NCOA1: variants seen among roughly 807,000 people sequenced by gnomAD.
NCOA1 encodes the protein nuclear receptor coactivator 1.
A neutral mutation model predicts 150.9 loss-of-function variants in NCOA1; 35 were observed. The observed-to-expected ratio is 0.23, with a 90% CI of 0.18 to 0.31. NCOA1 has a LOEUF of 0.31. NCOA1 is among the 10% of genes least tolerant of loss of function. NCOA1 has a pLI of 1.00. For synonymous variants in NCOA1, 590 were observed against 630.0 expected, an observed-to-expected ratio of 0.94 and a Z score of 0.95; for missense variants, 1,491 against 1,749.3, an observed-to-expected ratio of 0.85 and a Z score of 2.63.
At chr2:24,601,220 TTTG>T (rs1410368464) in intron 3 of NCOA1, among the ~76,000 whole-genome samples, 1 of 152,012 alleles carries the variant, frequency 6.6e-6, no homozygotes. Flanking sequence ...TTCTGTTTTT[TTTG>T]TTTGTTTTTG....
chr2:24,656,019 C>T (rs1670928789), intron 4 of NCOA1, among the ~76,000 whole-genome samples: 1 of 141,950 alleles, frequency 7.0e-6, no homozygotes, highest in Admixed American at 7.5e-5. Flanking sequence ...ACCCGGGAGG[C>T]GGAGCTTGCA....
In NCOA1 at chr2:24,762,782, T is replaced by C. The variant is rs1174890526; in HGVS notation, c.4155+6T>C. On this transcript the variant is annotated splice_donor_region_variant and intron_variant, in intron 22 of 22. Transcript: ENST00000348332. Reference sequence around the variant, plus strand: ...CAGAAGCAGATGGAACCCAGGTCAGTAAGGAAATTCTAAGCCCAGAGCTGT... The same window carrying C: ...CAGAAGCAGATGGAACCCAGGTCAGCAAGGAAATTCTAAGCCCAGAGCTGT... 1.2e-6 allele frequency: 2 copies of C among 1,611,674 alleles called. No homozygotes were observed. The highest frequency in any genetic ancestry group is 1.7e-5 in the Admixed American group (1 of 59,980).
intron 1 of NCOA1, among the ~76,000 whole-genome samples, chr2:24,545,215 G>A (rs577567871): frequency 2.6e-4 from 40 of 152,192 alleles, no homozygotes; most frequent in African/African-American, 7.5e-4. Flanking sequence ...TTCTTGGGCC[G>A]GGGCAGGGAA....
intron 1 of NCOA1, among the ~76,000 whole-genome samples, chr2:24,500,911 C>T (rs997329145): frequency 6.6e-6 from 1 of 152,098 alleles, no homozygotes; most frequent in East Asian, 1.9e-4. Flanking sequence ...AGAATTTTTC[C>T]TGTTATGGAA....
chr2:24,509,297 A>C (rs994050234), intron 1 of NCOA1, among the ~76,000 whole-genome samples: 5 of 152,246 alleles, frequency 3.3e-5, no homozygotes, highest in Non-Finnish European at 5.9e-5. Context: ...TGAAACAGGG[A>C]GTTCAAGCCC....
At chr2:24,717,224 C>A (rs541652424) in intron 14 of NCOA1, among the ~76,000 whole-genome samples, 3 of 152,282 alleles carry the variant, frequency 2.0e-5, no homozygotes, top group South Asian at 2.1e-4. Context: ...CATACTCTTA[C>A]CATATGATCC....
intron 11 of NCOA1, 111 bp downstream of exon 11, chr2:24,697,909 G>T (rs1000449396): frequency 8.3e-7 from 1 of 1,203,754 alleles, no homozygotes; most frequent in South Asian, 1.7e-5. Context: ...TATAGTTTTT[G>T]CAATAATCAG....
At chr2:24,739,981 T>A (rs917771912) in intron 18 of NCOA1, among the ~76,000 whole-genome samples, 14 of 152,092 alleles carry the variant, frequency 9.2e-5, no homozygotes, top group East Asian at 1.9e-4. Context: ...TTTTTTTTTT[T>A]AATAAACCCA....
At chr2:24,674,965 C>T (rs1389641290) in intron 7 of NCOA1, among the ~76,000 whole-genome samples, 1 of 152,218 alleles carries the variant, frequency 6.6e-6, no homozygotes, top group African/African-American at 2.4e-5. Flanking sequence ...TTGACACTTA[C>T]TGACCACTCA....
At chr2:24,613,914 A>G (rs1048565689) in intron 3 of NCOA1, among the ~76,000 whole-genome samples, 2 of 152,136 alleles carry the variant, frequency 1.3e-5, no homozygotes, top group African/African-American at 4.8e-5. Context: ...CATAGCATAG[A>G]TGATTCAGGC....
intron 1 of NCOA1, among the ~76,000 whole-genome samples, chr2:24,541,099 T>A (rs868347437): frequency 1.3e-5 from 2 of 152,250 alleles, no homozygotes; most frequent in Middle Eastern, 3.4e-3. Context: ...GATATATGGA[T>A]TTGGAACTCA....
intron 15 of NCOA1, among the ~76,000 whole-genome samples, chr2:24,727,555 G>A (rs1290541210): frequency 1.3e-5 from 2 of 152,214 alleles, no homozygotes; most frequent in East Asian, 3.8e-4. Flanking sequence ...ACCACAGGAA[G>A]ACTAGATAGT....
chr2:24,711,196 C>G, intron 14 of NCOA1, 85 bp downstream of exon 14: 1 of 1,317,342 alleles, frequency 7.6e-7, no homozygotes, highest in South Asian at 1.7e-5. Flanking sequence ...TTACACAGAT[C>G]CTTTGCTTAA....
In NCOA1 at chr2:24,616,144, AAG is replaced by A. The variant is rs534388763; in HGVS notation, c.-174-27816_-174-27815del. Among the ~76,000 whole-genome samples the A allele has an allele frequency of 1.3e-3, 200 of 152,254 alleles. 4 individuals are homozygous for A. Among genetic ancestry groups the A allele is most frequent in the African/African-American group, 4.6e-3 (190 of 41,548 alleles). On this transcript the variant is annotated intron_variant, in intron 3 of 22. Coordinates refer to ENST00000348332, the MANE Select transcript of NCOA1 (RefSeq NM_003743.5). ...GTCACATTAGGTTATACATTAGAGG[AAG>A]AGAGAAGAGAAACAAAGGAATAGTA...
intron 3 of NCOA1, among the ~76,000 whole-genome samples, chr2:24,593,004 G>A (rs1161639344): frequency 2.6e-5 from 4 of 151,976 alleles, no homozygotes; most frequent in African/African-American, 7.3e-5. Context: ...GACATTTGGG[G>A]TTCAAGATGG....
intron 14 of NCOA1, among the ~76,000 whole-genome samples, chr2:24,713,148 C>G (rs568923657): frequency 6.6e-6 from 1 of 151,966 alleles, no homozygotes; most frequent in African/African-American, 2.4e-5. Context: ...GGAGAATCAC[C>G]TGAACCCAGG....
At chr2:24,695,336 A>T (rs1672849316) in intron 10 of NCOA1, among the ~76,000 whole-genome samples, 1 of 152,198 alleles carries the variant, frequency 6.6e-6, no homozygotes, top group Non-Finnish European at 1.5e-5. Flanking sequence ...ACCTAGATTT[A>T]CAAATGAGGG....
At chr2:24,604,431 A>G (rs868327443) in intron 3 of NCOA1, among the ~76,000 whole-genome samples, 1 of 152,234 alleles carries the variant, frequency 6.6e-6, no homozygotes, top group Non-Finnish European at 1.5e-5. Context: ...TGTTTCATCT[A>G]CATTGAAATC....
chr2:24,758,614 A>G (rs1467202554), intron 21 of NCOA1, among the ~76,000 whole-genome samples: 1 of 151,992 alleles, frequency 6.6e-6, no homozygotes, highest in Non-Finnish European at 1.5e-5. Flanking sequence ...TACAGGTGTG[A>G]GCCACTACTC....
Sources: gnomAD v4.1 joint callset for allele counts (sites outside exome capture counted in the v4.1 genomes callset) on GRCh38, gnomAD v4.1.1 for gene constraint, MANE v1.5 for transcripts, NCBI Gene and HGNC (gene_info 2026-07-23, HGNC 2026-07-21) for gene names.